The following NF2 variants were observed in gnomAD, a reference collection of about 807,000 sequenced individuals.
NF2 encodes the protein merlin.
In NF2, 8 loss-of-function variants were observed where a neutral mutation model predicts 83.7. That is an observed-to-expected ratio of 0.10 (90% CI 0.06 to 0.17). NF2 has a LOEUF of 0.17. Ranked by LOEUF, NF2 falls within the 10% of genes least tolerant of loss-of-function variation. The pLI is 1.00. For missense variants in NF2, 533 were observed against 744.4 expected, an observed-to-expected ratio of 0.72 and a Z score of 3.31; for synonymous variants, 266 against 269.6, an observed-to-expected ratio of 0.99 and a Z score of 0.13.
In NF2 at chr22:29,677,960, G is replaced by A. The variant is rs559900510; in HGVS notation, c.1447-236G>A. ...TTTGATTCAGCTGAGCATGAAGAACGGTTAGAGATTTGAGGGATGATTTTC... is the reference window on the plus strand; with the variant it reads ...TTTGATTCAGCTGAGCATGAAGAACAGTTAGAGATTTGAGGGATGATTTTC... On this transcript the variant is annotated intron_variant, in intron 13 of 15. Coordinates refer to ENST00000338641, the MANE Select transcript of NF2 (RefSeq NM_000268.4). 5.2e-4 allele frequency among the ~76,000 whole-genome samples: 73 copies of A among 141,642 alleles called. 1 individual carries two copies. In the South Asian group the frequency reaches 9.0e-3, roughly 18 times the overall value. The allele number at this position is 141,642 out of a possible 152,430, so 92.9% of individuals were successfully genotyped here. A position where few individuals can be genotyped will look rare whatever the true frequency, so the allele number is the denominator to read the frequency against.
At chr22:29,675,017 C>A in intron 13 of NF2, 76 bp downstream of exon 13, 1 of 1,269,714 alleles carries the variant, frequency 7.9e-7, no homozygotes, top group Non-Finnish European at 1.1e-6. Flanking sequence ...TTCAGTTCAT[C>A]TGGCGGTGCC....
At chr22:29,690,830 G>A (rs1194348345) in intron 15 of NF2, among the ~76,000 whole-genome samples, 3 of 152,216 alleles carry the variant, frequency 2.0e-5, no homozygotes, top group Non-Finnish European at 2.9e-5. Flanking sequence ...TGGCAGGAGC[G>A]CTTTGGGTTG....
chr22:29,642,446 T>C (rs536742026), intron 4 of NF2, among the ~76,000 whole-genome samples, 161 bp downstream of exon 4: 1 of 152,254 alleles, frequency 6.6e-6, no homozygotes, highest in South Asian at 2.1e-4. Flanking sequence ...CTGTCACTGT[T>C]CCAGTGTTTG....
chr22:29,672,925 C>T (rs779508236), intron 11 of NF2, among the ~76,000 whole-genome samples: 6 of 152,204 alleles, frequency 3.9e-5, no homozygotes, highest in Non-Finnish European at 8.8e-5. Flanking sequence ...CCACCTGCCA[C>T]ATGTCTCTTG....
Position 29,636,625 on chromosome 22 carries a change from T to A in NF2, c.115-126T>A, listed in dbSNP as rs1601578553. On this transcript the variant is annotated intron_variant, in intron 1 of 15. Transcript: ENST00000338641. This position sits in a 1 kb window ranked among gnomAD's most constrained non-coding sequence, Gnocchi z 4.4. Reference sequence around the variant, plus strand: ...GGAAGCTTTAAAATTATTTAGGAATTCAGTCCTCATCAGCTGTCTTAGTGT... The same window carrying A: ...GGAAGCTTTAAAATTATTTAGGAATACAGTCCTCATCAGCTGTCTTAGTGT... 8.3e-7 allele frequency: 1 copy of A among 1,208,790 alleles called. No homozygotes were observed. Among genetic ancestry groups the A allele is most frequent in the East Asian group, 2.3e-5 (1 of 42,778 alleles). The allele number at this position is 1,208,790 out of a possible 1,614,324, so 74.9% of individuals were successfully genotyped here. A position where few individuals can be genotyped will look rare whatever the true frequency, so the allele number is the denominator to read the frequency against.
Position 29,607,247 on chromosome 22 carries a change from A to G in NF2, c.114+3135A>G, listed in dbSNP as rs115214936. 6.6e-3 allele frequency among the ~76,000 whole-genome samples: 998 copies of G among 152,344 alleles called. 9 individuals carry two copies. The highest frequency in any genetic ancestry group is 0.023 in the African/African-American group (950 of 41,576). On this transcript the variant is annotated intron_variant, in intron 1 of 15. Transcript: ENST00000338641. ...AAAAAATGCTTTCCTCCAAACAGCC[A>G]CAATTTGATTGTATCAGTTTGTAGA...
chr22:29,630,501 G>A (rs1371970823), intron 1 of NF2, among the ~76,000 whole-genome samples: 1 of 152,208 alleles, frequency 6.6e-6, no homozygotes, highest in Non-Finnish European at 1.5e-5. Context: ...AGTAATGGGT[G>A]AGCACAGCCA....
intron 1 of NF2, among the ~76,000 whole-genome samples, chr22:29,624,081 A>C (rs977464529): frequency 2.0e-5 from 3 of 152,198 alleles, no homozygotes; most frequent in Non-Finnish European, 4.4e-5. Flanking sequence ...GGAAGGGGTA[A>C]ATTGGCCTGG....
In NF2 at chr22:29,696,128, T is replaced by C. The variant is rs886057358; in HGVS notation, c.*1326T>C. 2 of 216,172 alleles carry C rather than the reference T, an allele frequency of 9.3e-6. No individual in the cohort carries two copies. Among genetic ancestry groups the C allele is most frequent in the Admixed American group, 1.2e-4 (2 of 16,032 alleles). 13.4% of individuals were successfully genotyped at this position (216,172 alleles called of 1,614,324 possible). A position where few individuals can be genotyped will look rare whatever the true frequency, so the allele number is the denominator to read the frequency against. ...TCTCTCTGTCACCCAGGTGGGAGTG[T>C]GGTGGCACAATCTCGGCTCACTGCA... On this transcript the variant is annotated 3_prime_UTR_variant, in exon 16 of 16. Coordinates refer to ENST00000338641, the MANE Select transcript of NF2 (RefSeq NM_000268.4).
At chr22:29,659,681 C>A (rs2066419541) in intron 7 of NF2, among the ~76,000 whole-genome samples, 2 of 152,148 alleles carry the variant, frequency 1.3e-5, no homozygotes, top group African/African-American at 4.8e-5. Flanking sequence ...TCTGTTTAAT[C>A]TCTAGGAGTG....
intron 1 of NF2, among the ~76,000 whole-genome samples, chr22:29,633,202 A>G (rs2065560743): frequency 6.6e-6 from 1 of 152,226 alleles, no homozygotes; most frequent in Admixed American, 6.5e-5. Flanking sequence ...TATAAGTGGA[A>G]TTAGGGCTTT....
chr22:29,650,538 CTCTTTCTCTT>C (rs922848005), intron 4 of NF2, among the ~76,000 whole-genome samples: 5 of 151,522 alleles, frequency 3.3e-5, no homozygotes, highest in Non-Finnish European at 7.4e-5. Context: ...TTCTTTCTTT[CTCTTTCTCTT>C]TCTTTCTCTC....
chr22:29,655,489 A>C, intron 5 of NF2, 105 bp from the exon 6 acceptor site: 1 of 862,502 alleles, frequency 1.2e-6, no homozygotes, highest in East Asian at 2.5e-5. Flanking sequence ...GCTTTTTAAA[A>C]ATAGCTTTAC....
rs762085797 is a variant in NF2, at chr22:29,695,878, A to C, written c.*1076A>C. 1 of 232,852 alleles carries C rather than the reference A, an allele frequency of 4.3e-6. No individual in the cohort carries two copies. The highest frequency in any genetic ancestry group is 2.2e-5 in the African/African-American group (1 of 45,092). The allele number at this position is 232,852 out of a possible 1,614,324, so 14.4% of individuals were successfully genotyped here. A position where few individuals can be genotyped will look rare whatever the true frequency, so the allele number is the denominator to read the frequency against. On this transcript the variant is annotated 3_prime_UTR_variant, in exon 16 of 16. Coordinates refer to ENST00000338641, the MANE Select transcript of NF2 (RefSeq NM_000268.4). This position sits in a 1 kb window ranked among gnomAD's most constrained non-coding sequence, Gnocchi z 5.4. ...GCCCTTGTCCCTCTTCGGGCCCTGAATTTTCTGTTCCCTGGGGGCCAGCCA... is the reference window on the plus strand; with the variant it reads ...GCCCTTGTCCCTCTTCGGGCCCTGACTTTTCTGTTCCCTGGGGGCCAGCCA...
intron 10 of NF2, 71 bp from the exon 11 acceptor site, chr22:29,671,755 C>A (rs2147069514): frequency 1.2e-6 from 2 of 1,609,290 alleles, no homozygotes; most frequent in Non-Finnish European, 1.7e-6. Flanking sequence ...GATGGGGCAT[C>A]TTTGGGCCCT....
rs2066277799 is a variant in NF2, at chr22:29,655,584, T to C, written c.517-10T>C. On this transcript the variant is annotated splice_polypyrimidine_tract_variant and intron_variant, in intron 5 of 15. Coordinates refer to ENST00000338641, the MANE Select transcript of NF2 (RefSeq NM_000268.4). ...GTGTAGGTTTTTTATTTTGCTCTAT[T>C]TTTTGGTAGGTAATAAATCTGTATC... 3.1e-6 allele frequency: 5 copies of C among 1,608,498 alleles called. 1 individual carries two copies. The highest frequency in any genetic ancestry group is 3.3e-4 in the Middle Eastern group (2 of 5,972).
chr22:29,613,565 G>A (rs927538568), intron 1 of NF2, among the ~76,000 whole-genome samples: 2 of 151,962 alleles, frequency 1.3e-5, no homozygotes, highest in Non-Finnish European at 2.9e-5. Flanking sequence ...TGTGGTACTG[G>A]TATAAGGATA....
At chr22:29,676,065 C>T (rs998872906) in intron 13 of NF2, among the ~76,000 whole-genome samples, 1 of 152,162 alleles carries the variant, frequency 6.6e-6, no homozygotes, top group South Asian at 2.1e-4. Context: ...TGCTGGGGAT[C>T]TCTCTGGTGG....
Position 29,694,673 on chromosome 22 carries a change from G to C in NF2, c.1738-79G>C, listed in dbSNP as rs1399964936. 2.0e-6 allele frequency: 3 copies of C among 1,475,474 alleles called. No individual in the cohort carries two copies. In the Admixed American group the frequency reaches 5.5e-5, roughly 27 times the overall value. 91.4% of individuals were successfully genotyped at this position (1,475,474 alleles called of 1,614,324 possible). ...TCGCTCCCAGCCACCTTTGAGGTGA[G>C]TCCAAGTGGCAGGACAGGACCCTGT... is the stretch of plus-strand genomic sequence containing the variant. On this transcript the variant is annotated intron_variant, in intron 15 of 15. Coordinates refer to ENST00000338641, the MANE Select transcript of NF2 (RefSeq NM_000268.4). The surrounding 1 kb of genome is among the most constrained non-coding windows in gnomAD (Gnocchi z 4.1).
Sources: gnomAD v4.1 joint callset for allele counts (sites outside exome capture counted in the v4.1 genomes callset) on GRCh38, gnomAD v4.1.1 for gene constraint, Gnocchi (gnomAD v3.1) non-coding constraint, MANE v1.5 for transcripts, NCBI Gene and HGNC (gene_info 2026-07-23, HGNC 2026-07-21) for gene names.